TIMMDC1: variants seen among roughly 807,000 people sequenced by gnomAD.
The protein encoded by TIMMDC1 is complex I assembly factor TIMMDC1, mitochondrial.
TIMMDC1 carries 25 observed loss-of-function variants against 32.6 expected under a neutral mutation model. The ratio of observed to expected loss-of-function variants is 0.77; its 90% confidence interval spans 0.56 to 1.07. The LOEUF (loss-of-function observed/expected upper bound fraction) is 1.07, where lower values mean the gene tolerates loss of function less well. Ranked by LOEUF, TIMMDC1 falls within the 50% of genes least tolerant of loss-of-function variation. The probability of loss-of-function intolerance (pLI) is 0.00; values close to 1 mark genes in which losing one functional copy is unlikely to be tolerated. For missense variants in TIMMDC1, 329 were observed against 349.2 expected (o/e 0.94, Z 0.46); for synonymous variants, 130 against 127.6 (o/e 1.02, Z -0.13).
chr3:119,511,608 G>T (rs1470562669), intron 4 of TIMMDC1, among the ~76,000 whole-genome samples: 2 of 152,128 alleles, frequency 1.3e-5, no homozygotes, highest in Non-Finnish European at 2.9e-5. Flanking sequence ...CACAGTTTTG[G>T]CCACATAAAA....
intron 4 of TIMMDC1, among the ~76,000 whole-genome samples, chr3:119,504,560 AT>A (rs1410136207): frequency 6.6e-6 from 1 of 152,176 alleles, no homozygotes; most frequent in Admixed American, 6.5e-5. Flanking sequence ...CTTGGATTTT[AT>A]TTTAAAGCTC....
intron 4 of TIMMDC1, among the ~76,000 whole-genome samples, chr3:119,505,565 C>G (rs1482204538): frequency 6.6e-6 from 1 of 152,126 alleles, no homozygotes; most frequent in East Asian, 1.9e-4. Flanking sequence ...AGGGGTTTCT[C>G]CATGTTGGTC....
chr3:119,499,043 A>G, intron 1 of TIMMDC1, 116 bp downstream of exon 1: 1 of 740,024 alleles, frequency 1.4e-6, no homozygotes, highest in Non-Finnish European at 2.2e-6. Flanking sequence ...TTTTTAGATT[A>G]TATTTGAGGT....
intron 6 of TIMMDC1, 151 bp downstream of exon 6, chr3:119,517,466 C>T: frequency 1.8e-6 from 1 of 540,966 alleles, no homozygotes; most frequent in East Asian, 2.8e-5. Flanking sequence ...TGTACATTGT[C>T]TTTTAATCTA....
At chr3:119,518,868 G>A (rs2082004189) in intron 6 of TIMMDC1, among the ~76,000 whole-genome samples, 1 of 148,964 alleles carries the variant, frequency 6.7e-6, no homozygotes, top group Non-Finnish European at 1.5e-5. Context: ...CATTCCAAGT[G>A]CTAAAAGGAA....
intron 1 of TIMMDC1, among the ~76,000 whole-genome samples, chr3:119,499,158 A>G (rs747206745): frequency 2.3e-5 from 3 of 132,228 alleles, no homozygotes; most frequent in East Asian, 2.1e-4. Context: ...CTGTGGTGCT[A>G]TCTCGGCTCA....
At chr3:119,501,744 C>T (rs1186090954) in intron 2 of TIMMDC1, among the ~76,000 whole-genome samples, 1 of 152,028 alleles carries the variant, frequency 6.6e-6, no homozygotes, top group African/African-American at 2.4e-5. Flanking sequence ...GAATCTGACC[C>T]TGGATCACAT....
chr3:119,521,924 T>C (rs1420474452), intron 6 of TIMMDC1, among the ~76,000 whole-genome samples: 1 of 152,060 alleles, frequency 6.6e-6, no homozygotes, highest in Non-Finnish European at 1.5e-5. Flanking sequence ...TTGGCAAGGA[T>C]GTAGAAAGAA....
At chr3:119,507,918 G>A (rs1233088170) in intron 4 of TIMMDC1, among the ~76,000 whole-genome samples, 1 of 152,058 alleles carries the variant, frequency 6.6e-6, no homozygotes, top group Non-Finnish European at 1.5e-5. Context: ...CTCTCCTTTG[G>A]TGGGACAGGA....
chr3:119,517,209 C>G lies in TIMMDC1; in HGVS notation c.601C>G (p.Pro201Ala). 3.1e-6 allele frequency: 5 copies of G among 1,607,950 alleles called. No individual in the cohort carries two copies. Among genetic ancestry groups the G allele is most frequent in the Non-Finnish European group, 4.3e-6 (5 of 1,174,710 alleles). Residue 201 changes from proline to alanine, a missense_variant, in exon 6 of 7, where the codon CCT (proline) becomes GCT (alanine). Coordinates refer to ENST00000494664, the MANE Select transcript of TIMMDC1 (RefSeq NM_016589.4). ...GGIIGALLGTPVGGLLMAFQK... is the reference protein window; with the variant it reads ...GGIIGALLGTAVGGLLMAFQK... ...TTCCCTCTCCTTTCTTCTCAGCACTCCTGTAGGAGGCCTGCTGATGGCATT... is the reference window on the plus strand; with the variant it reads ...TTCCCTCTCCTTTCTTCTCAGCACTGCTGTAGGAGGCCTGCTGATGGCATT...
intron 4 of TIMMDC1, among the ~76,000 whole-genome samples, chr3:119,509,615 G>A (rs981689273): frequency 3.9e-5 from 6 of 152,102 alleles, no homozygotes; most frequent in Non-Finnish European, 1.5e-5. Flanking sequence ...ATGGGCGTGG[G>A]GGATCTTTTT....
At position 119,523,612 on chromosome 3, in the gene TIMMDC1, C is replaced by G; in HGVS notation, c.714C>G (p.Gly238=). The G allele has an allele frequency of 6.3e-7, 1 of 1,599,120 alleles. No individual in the cohort carries two copies. Among genetic ancestry groups the G allele is most frequent in the Non-Finnish European group, 8.5e-7 (1 of 1,174,750 alleles). Residue 238 remains glycine, a synonymous_variant, in exon 7 of 7, where the codon GGC becomes GGG. Coordinates refer to ENST00000494664, the MANE Select transcript of TIMMDC1 (RefSeq NM_016589.4). The part of the protein sequence containing the change: ...LHELKLEEWK[G]RLQVTEHLPE... ...CCTTTTTATCTGATTACAGGAAAGG[C>G]AGACTACAAGTTACTGAGCACCTCC...
At chr3:119,501,714 ATTTT>A (rs564095537) in intron 2 of TIMMDC1, among the ~76,000 whole-genome samples, 1 of 151,678 alleles carries the variant, frequency 6.6e-6, no homozygotes, top group South Asian at 2.1e-4. Context: ...AATTAATTAA[ATTTT>A]TTTTTGTCTG....
Position 119,498,568 on chromosome 3 carries a change from A to T in TIMMDC1, c.-166A>T, listed in dbSNP as rs990113275. 18 of 658,896 alleles carry T rather than the reference A, an allele frequency of 2.7e-5. No homozygotes were observed. The highest frequency in any genetic ancestry group is 4.4e-5 in the Non-Finnish European group (17 of 387,440). 40.8% of individuals were successfully genotyped at this position (658,896 alleles called of 1,614,324 possible). ...CTGTGTCGTATTTCCAAGGACTCCAAAGCGAGGCCGGGGACTGAAGGTGTG... is the reference window on the plus strand; with the variant it reads ...CTGTGTCGTATTTCCAAGGACTCCATAGCGAGGCCGGGGACTGAAGGTGTG... On this transcript the variant is annotated 5_prime_UTR_variant, in exon 1 of 7. Transcript: ENST00000494664.
Position 119,498,638 on chromosome 3 carries a change from G to A in TIMMDC1, c.-96G>A. The A allele has an allele frequency of 8.0e-7, 1 of 1,251,954 alleles. No homozygotes were observed. Among genetic ancestry groups the A allele is most frequent in the Non-Finnish European group, 1.1e-6 (1 of 882,772 alleles). 77.6% of individuals were successfully genotyped at this position (1,251,954 alleles called of 1,614,324 possible). On this transcript the variant is annotated 5_prime_UTR_variant, in exon 1 of 7. Transcript: ENST00000494664. ...GAGGGTTAACCTGGGTCAAATGCACGGATTCTCACCTCGTACAGTTACGCT... is the reference window on the plus strand; with the variant it reads ...GAGGGTTAACCTGGGTCAAATGCACAGATTCTCACCTCGTACAGTTACGCT...
At chr3:119,504,977 C>T (rs1186554543) in intron 4 of TIMMDC1, among the ~76,000 whole-genome samples, 1 of 151,418 alleles carries the variant, frequency 6.6e-6, no homozygotes, top group Non-Finnish European at 1.5e-5. Flanking sequence ...ACTTGGGAGG[C>T]TGAGGCAGGA....
At chr3:119,507,935 A>G (rs1479736205) in intron 4 of TIMMDC1, among the ~76,000 whole-genome samples, 5 of 152,132 alleles carry the variant, frequency 3.3e-5, no homozygotes, top group Admixed American at 1.3e-4. Context: ...AGGATACTAC[A>G]GTGGGTTGGA....
In TIMMDC1 at chr3:119,523,972, T is replaced by G; in HGVS notation, c.*216T>G. On this transcript the variant is annotated 3_prime_UTR_variant, in exon 7 of 7. Transcript: ENST00000494664. ...CTTATCCTTAAATTTAAATACATAC[T>G]TATGTTTGTATTAATCTATCAATAT... 4.9e-6 allele frequency: 2 copies of G among 407,732 alleles called. No homozygotes were observed. The highest frequency in any genetic ancestry group is 8.7e-6 in the Non-Finnish European group (2 of 229,856). 25.3% of individuals were successfully genotyped at this position (407,732 alleles called of 1,614,324 possible).
chr3:119,519,500 A>G (rs992300786), intron 6 of TIMMDC1, among the ~76,000 whole-genome samples: 1 of 152,150 alleles, frequency 6.6e-6, no homozygotes, highest in African/African-American at 2.4e-5. Context: ...AAAAAACTAT[A>G]AAAAGAGACA....
Sources: allele counts gnomAD v4.1 joint callset (sites outside exome capture counted in the v4.1 genomes callset), GRCh38; gene constraint gnomAD v4.1.1; transcripts MANE v1.5; gene names NCBI Gene and HGNC (gene_info 2026-07-23, HGNC 2026-07-21).